The following REDIC1 variants were observed in gnomAD, a reference collection of about 807,000 sequenced individuals.
The protein encoded by REDIC1 is HEI10 Interacting Protein 1.
the REDIC1 span, among the ~76,000 whole-genome samples, chr12:39,861,248 A>G: frequency 1.3e-5 from 2 of 152,222 alleles, no homozygotes; most frequent in African/African-American, 2.4e-5. Context: ...TCTAACAATG[A>G]CTGTAATGTT....
At chr12:39,850,822 T>A in the REDIC1 span, among the ~76,000 whole-genome samples, 2 of 152,142 alleles carry the variant, frequency 1.3e-5, no homozygotes, top group African/African-American at 4.8e-5. Context: ...AAGATATCTA[T>A]CGCCATAATA....
the REDIC1 span, among the ~76,000 whole-genome samples, chr12:39,655,920 G>A: frequency 1.3e-5 from 2 of 152,218 alleles, no homozygotes; most frequent in African/African-American, 4.8e-5. Flanking sequence ...TGCATTTTGG[G>A]GGAGAGTATT....
chr12:39,636,814 T>G, the REDIC1 span, among the ~76,000 whole-genome samples: 1 of 152,074 alleles, frequency 6.6e-6, no homozygotes, highest in Admixed American at 6.6e-5. Context: ...ACACTCATAG[T>G]TTTTAATTCC....
the REDIC1 span, among the ~76,000 whole-genome samples, chr12:39,660,519 A>T: frequency 1.3e-5 from 2 of 151,954 alleles, no homozygotes; most frequent in Non-Finnish European, 2.9e-5. Context: ...TAAATTTTTT[A>T]TTGATACATA....
chr12:39,875,532 C>T, the REDIC1 span, among the ~76,000 whole-genome samples: 1 of 152,146 alleles, frequency 6.6e-6, no homozygotes, highest in Non-Finnish European at 1.5e-5. Context: ...TTTGTATGTC[C>T]TTGGGGGGAC....
chr12:39,714,283 A>G, the REDIC1 span, among the ~76,000 whole-genome samples: 1 of 144,996 alleles, frequency 6.9e-6, no homozygotes, highest in East Asian at 2.0e-4. Flanking sequence ...ATATGTATAT[A>G]CGTATATGCA....
At chr12:39,742,207 G>T in the REDIC1 span, among the ~76,000 whole-genome samples, 1 of 152,166 alleles carries the variant, frequency 6.6e-6, no homozygotes, top group African/African-American at 2.4e-5. Flanking sequence ...ACAGGTAGCA[G>T]TCAGTACAGT....
the REDIC1 span, among the ~76,000 whole-genome samples, chr12:39,848,860 C>T: frequency 6.6e-6 from 1 of 152,120 alleles, no homozygotes; most frequent in East Asian, 1.9e-4. Context: ...GACGAGATCA[C>T]ATCTTTTGCA....
At chr12:39,838,099 C>T in the REDIC1 span, among the ~76,000 whole-genome samples, 2 of 147,618 alleles carry the variant, frequency 1.4e-5, no homozygotes, top group African/African-American at 2.6e-5. Context: ...CCCAAATGTC[C>T]AACAATCATA....
At chr12:39,772,510 T>C in the REDIC1 span, among the ~76,000 whole-genome samples, 3 of 152,064 alleles carry the variant, frequency 2.0e-5, no homozygotes, top group Non-Finnish European at 4.4e-5. Context: ...TGTTTAATTG[T>C]GAGTAGAAAA....
the REDIC1 span, among the ~76,000 whole-genome samples, chr12:39,798,628 G>C: frequency 1.3e-5 from 2 of 152,144 alleles, no homozygotes; most frequent in Non-Finnish European, 2.9e-5. Flanking sequence ...GTTTGGCCTC[G>C]TGGCAGGGCA....
the REDIC1 span, among the ~76,000 whole-genome samples, chr12:39,718,280 T>A: frequency 3.3e-5 from 5 of 152,212 alleles, no homozygotes; most frequent in Non-Finnish European, 1.5e-5. Flanking sequence ...GAATTAGAGA[T>A]GTTGTGCTTC....
At chr12:39,638,796 C>T in the REDIC1 span, among the ~76,000 whole-genome samples, 1 of 151,842 alleles carries the variant, frequency 6.6e-6, no homozygotes, top group Non-Finnish European at 1.5e-5. Flanking sequence ...CGATATTGGT[C>T]TTAAATACCT....
At chr12:39,851,486 G>A in the REDIC1 span, among the ~76,000 whole-genome samples, 1 of 152,152 alleles carries the variant, frequency 6.6e-6, no homozygotes, top group Admixed American at 6.5e-5. Context: ...AAAGGTTAGT[G>A]ATTTTATTAA....
At chr12:39,705,934 C>T in the REDIC1 span, among the ~76,000 whole-genome samples, 1 of 152,038 alleles carries the variant, frequency 6.6e-6, no homozygotes, top group East Asian at 1.9e-4. Flanking sequence ...TTTTATTCAA[C>T]ATAGTACTCT....
chr12:39,729,649 G>T, the REDIC1 span, among the ~76,000 whole-genome samples: 1 of 152,198 alleles, frequency 6.6e-6, no homozygotes, highest in Non-Finnish European at 1.5e-5. Flanking sequence ...ATTTGGGGTG[G>T]AGAGTTCTGT....
At chr12:39,710,671 A>C in the REDIC1 span, among the ~76,000 whole-genome samples, 2 of 151,676 alleles carry the variant, frequency 1.3e-5, no homozygotes, top group Admixed American at 1.3e-4. Context: ...TTTCTCTATA[A>C]ATTATCACCA....
the REDIC1 span, chr12:39,764,642 AAAATAGCATGT>A: frequency 6.3e-7 from 1 of 1,581,486 alleles, no homozygotes; most frequent in Non-Finnish European, 8.6e-7. Flanking sequence ...AAACTTTAGT[AAAATAGCATGT>A]AAGAAATTTG....
chr12:39,707,674 C>A, the REDIC1 span, among the ~76,000 whole-genome samples: 9 of 151,840 alleles, frequency 5.9e-5, no homozygotes, highest in Admixed American at 3.3e-4. Flanking sequence ...ATAATCTATA[C>A]ATAATCTAAT....
Sources: allele counts gnomAD v4.1 joint callset (sites outside exome capture counted in the v4.1 genomes callset), GRCh38; gene constraint gnomAD v4.1.1; transcripts MANE v1.5; gene names NCBI Gene and HGNC (gene_info 2026-07-23, HGNC 2026-07-21).